The following GCSAML variants were observed in gnomAD, a reference collection of about 807,000 sequenced individuals.
The protein encoded by GCSAML is germinal center associated signaling and motility like.
GCSAML carries 9 observed loss-of-function variants against 13.0 expected under a neutral mutation model. The observed-to-expected ratio is 0.69, with a 90% confidence interval of 0.42 to 1.21. GCSAML has a LOEUF of 1.21. Among genes scored for constraint, GCSAML ranks in the 50% most tolerant of loss-of-function variants. GCSAML has a pLI of 0.00. For missense variants in GCSAML, 143 were observed against 153.4 expected (o/e 0.93, Z 0.36); for synonymous variants, 37 against 52.9 (o/e 0.70, Z 1.31).
chr1:247,555,309 A>AG (rs1406261170), intron 1 of GCSAML, among the ~76,000 whole-genome samples: 4 of 152,218 alleles, frequency 2.6e-5, no homozygotes, highest in Non-Finnish European at 5.9e-5. Context: ...CTCCAGGAAA[A>AG]GGGGAAAAAA....
At position 247,539,526 on chromosome 1, in the gene GCSAML, A is replaced by T. The variant is rs543606117; in HGVS notation, c.-147-9519A>T. On this transcript the variant is annotated intron_variant, in intron 2 of 5. Transcript: ENST00000366489. ...ACTGGTGGCAGTTTTATTTTTTTTTATTATATATTGCTTAGCTACGTGACC... is the reference window on the plus strand; with the variant it reads ...ACTGGTGGCAGTTTTATTTTTTTTTTTTATATATTGCTTAGCTACGTGACC... Among the ~76,000 whole-genome samples, 468 of 152,038 alleles carry T rather than the reference A, an allele frequency of 3.1e-3. 2 individuals are homozygous for T. Among genetic ancestry groups the T allele is most frequent in the Middle Eastern group, 0.01 (3 of 294 alleles).
At chr1:247,538,981 A>G (rs190317367) in intron 2 of GCSAML, among the ~76,000 whole-genome samples, 10 of 152,268 alleles carry the variant, frequency 6.6e-5, no homozygotes, top group Admixed American at 1.3e-4. Context: ...TGAGAACTCT[A>G]TTCTTCCATT....
At chr1:247,556,723 G>A (rs1000426751) in intron 2 of GCSAML, among the ~76,000 whole-genome samples, 2 of 152,128 alleles carry the variant, frequency 1.3e-5, no homozygotes, top group Non-Finnish European at 2.9e-5. Flanking sequence ...ATAGAATAAA[G>A]GATGTTTGGT....
chr1:247,522,102 G>A (rs1488318959), intron 1 of GCSAML, among the ~76,000 whole-genome samples: 1 of 150,660 alleles, frequency 6.6e-6, no homozygotes, highest in Non-Finnish European at 1.5e-5. Flanking sequence ...CCCTCCGCCT[G>A]GCAGCCGCCC....
chr1:247,563,490 C>A, intron 2 of GCSAML, 100 bp from the exon 3 acceptor site: 1 of 595,674 alleles, frequency 1.7e-6, no homozygotes, highest in Non-Finnish European at 2.9e-6. Flanking sequence ...GAAAATCTAA[C>A]AATGGCCTTA....
Position 247,507,852 on chromosome 1 carries a change from T to C in GCSAML, c.-263+619T>C, listed in dbSNP as rs554439592. Among the ~76,000 whole-genome samples, 6 of 152,360 alleles carry C rather than the reference T, an allele frequency of 3.9e-5. No individual in the cohort carries two copies. In the East Asian group the frequency reaches 1.2e-3, roughly 29 times the overall value. ...CCTGCAAAGGACATGAACTCATCTTTTTTATTGCTGCATAGTATCCCATGG... is the reference window on the plus strand; with the variant it reads ...CCTGCAAAGGACATGAACTCATCTTCTTTATTGCTGCATAGTATCCCATGG... On this transcript the variant is annotated intron_variant, in intron 1 of 5. Transcript: ENST00000366489.
At chr1:247,520,525 T>TAC (rs1666377280) in intron 1 of GCSAML, among the ~76,000 whole-genome samples, 1 of 98,712 alleles carries the variant, frequency 1.0e-5, no homozygotes, top group Non-Finnish European at 2.3e-5. Context: ...CCCCCACCTC[T>TAC]TCACACACAC....
intron 1 of GCSAML, chr1:247,519,100 G>C (rs769352473): frequency 2.0e-5 from 3 of 150,790 alleles, no homozygotes; most frequent in African/African-American, 7.4e-5. Flanking sequence ...AACAAAAAGC[G>C]GCAGGGATGT....
At chr1:247,551,712 G>T (rs543851233) in intron 1 of GCSAML, among the ~76,000 whole-genome samples, 2 of 152,314 alleles carry the variant, frequency 1.3e-5, no homozygotes, top group South Asian at 4.1e-4. Context: ...ATGTGACACA[G>T]GAACCTCAGA....
chr1:247,539,317 T>G (rs1667328355), intron 2 of GCSAML, among the ~76,000 whole-genome samples: 1 of 152,192 alleles, frequency 6.6e-6, no homozygotes, highest in Admixed American at 6.5e-5. Flanking sequence ...TAACATGATC[T>G]GAGGGTGGAG....
intron 1 of GCSAML, among the ~76,000 whole-genome samples, chr1:247,552,843 C>G (rs61135638): frequency 0.24 from 36,081 of 151,806 alleles, 7,457 homozygotes; most frequent in African/African-American, 0.56. Flanking sequence ...GCAACCTCCA[C>G]CTTCCAGGTT....
At chr1:247,533,772 A>G (rs1667107069) in intron 2 of GCSAML, 1 of 152,232 alleles carries the variant, frequency 6.6e-6, no homozygotes, top group African/African-American at 2.4e-5. Context: ...TCTGTTATGT[A>G]AAACTATGAT....
intron 2 of GCSAML, among the ~76,000 whole-genome samples, chr1:247,540,104 C>T (rs904843120): frequency 1.3e-5 from 2 of 152,226 alleles, no homozygotes; most frequent in Non-Finnish European, 2.9e-5. Flanking sequence ...CAGAGTCTCG[C>T]ACTGTTGCCT....
intron 4 of GCSAML, among the ~76,000 whole-genome samples, chr1:247,571,910 T>C (rs911417914): frequency 5.3e-5 from 8 of 152,234 alleles, no homozygotes; most frequent in African/African-American, 1.7e-4. Flanking sequence ...CTTTTCATTT[T>C]TTTTTCTCTA....
chr1:247,517,441 G>C (rs1357423050), intron 1 of GCSAML, among the ~76,000 whole-genome samples: 1 of 152,180 alleles, frequency 6.6e-6, no homozygotes, highest in East Asian at 1.9e-4. Context: ...GGAAATGTGA[G>C]AGCTGATCGT....
chr1:247,541,598 T>C (rs1003503018), intron 2 of GCSAML, among the ~76,000 whole-genome samples: 40 of 152,208 alleles, frequency 2.6e-4, no homozygotes, highest in African/African-American at 8.9e-4. Flanking sequence ...ACACAGACAC[T>C]CCAAATTTGA....
chr1:247,544,018 T>G (rs1667489419), intron 2 of GCSAML, among the ~76,000 whole-genome samples: 1 of 152,144 alleles, frequency 6.6e-6, no homozygotes, highest in Non-Finnish European at 1.5e-5. Flanking sequence ...GTCAAACAAT[T>G]AAAACAATGG....
At chr1:247,509,258 C>A (rs183689921) in intron 1 of GCSAML, among the ~76,000 whole-genome samples, 21 of 152,236 alleles carry the variant, frequency 1.4e-4, no homozygotes, top group Admixed American at 2.6e-4. Flanking sequence ...TTTTTATTCT[C>A]TTTGTAGCAA....
At chr1:247,553,477 CATA>C (rs1219594764) in intron 1 of GCSAML, among the ~76,000 whole-genome samples, 1 of 152,058 alleles carries the variant, frequency 6.6e-6, no homozygotes, top group Non-Finnish European at 1.5e-5. Flanking sequence ...TGTAACTGAT[CATA>C]ATAATTTTTT....
Sources: allele counts gnomAD v4.1 joint callset (sites outside exome capture counted in the v4.1 genomes callset), GRCh38; gene constraint gnomAD v4.1.1; transcripts MANE v1.5; gene names NCBI Gene and HGNC (gene_info 2026-07-23, HGNC 2026-07-21).